FARSA: variants seen among roughly 807,000 people sequenced by gnomAD.
The protein encoded by FARSA is phenylalanyl-tRNA synthetase subunit alpha.
FARSA carries 37 observed loss-of-function variants against 63.2 expected under a neutral mutation model. The ratio of observed to expected loss-of-function variants is 0.59; its 90% confidence interval spans 0.45 to 0.77. The LOEUF (loss-of-function observed/expected upper bound fraction) is 0.77, where lower values mean the gene tolerates loss of function less well. Among genes scored for constraint, FARSA ranks in the 30% least tolerant of loss-of-function variants. The pLI, the probability that FARSA is intolerant of heterozygous loss-of-function variation, is 0.00. For synonymous variants in FARSA, 312 were observed against 285.1 expected, an observed-to-expected ratio of 1.09 and a Z score of -0.95; for missense variants, 618 against 696.6, an observed-to-expected ratio of 0.89 and a Z score of 1.27.
chr19:12,924,545 G>A lies in FARSA; in HGVS notation c.1196-19C>T, dbSNP rs554096092. ...GTGATACCTGCAGGAAGTGGGGGGC[G>A]GGCAGGAGAGCAGGGGTTTGGAGGA... is the stretch of plus-strand genomic sequence containing the variant. On this transcript the variant is annotated intron_variant, in intron 10 of 12. Coordinates refer to ENST00000314606, the MANE Select transcript of FARSA (RefSeq NM_004461.3). This position sits in a 1 kb window ranked among gnomAD's most constrained non-coding sequence, Gnocchi z 6.4. The A allele has an allele frequency of 9.2e-4, 1,489 of 1,613,246 alleles. 25 individuals carry two copies. The South Asian group carries it at 0.015, about 17-fold the overall frequency.
At chr19:12,930,102 C>T (rs1298793695) in intron 4 of FARSA, 121 bp downstream of exon 4, 9 of 765,186 alleles carry the variant, frequency 1.2e-5, no homozygotes, top group East Asian at 2.5e-5. Context: ...TGGCATTAAG[C>T]GAGCTGGGAG....
chr19:12,926,919 T>C (rs1172992786), intron 7 of FARSA, among the ~76,000 whole-genome samples: 1 of 152,146 alleles, frequency 6.6e-6, no homozygotes, highest in Admixed American at 6.6e-5. Context: ...GTGGCTAGTA[T>C]GTGATGAGTG....
rs900110818 is a variant in FARSA, at chr19:12,925,366, C to CT, written c.842-193dup. On this transcript the variant is annotated intron_variant, in intron 7 of 12. Transcript: ENST00000314606. ...CATTTGTGTGTGGCTTTTTTGGGTT[C>CT]TTTTTTTTTGAGACAGAGTCTTGTT... 1.7e-4 allele frequency among the ~76,000 whole-genome samples: 26 copies of CT among 150,730 alleles called. No individual in the cohort carries two copies. In the South Asian group the frequency reaches 2.9e-3, roughly 17 times the overall value.
intron 7 of FARSA, among the ~76,000 whole-genome samples, chr19:12,927,303 G>C (rs529084199): frequency 3.9e-4 from 59 of 152,304 alleles, no homozygotes; most frequent in African/African-American, 1.3e-3. Flanking sequence ...AATGCCCAAA[G>C]AAGACATGGG....
At position 12,926,068 on chromosome 19, in the gene FARSA, G is replaced by A. The variant is rs188921735; in HGVS notation, c.842-894C>T. 8.2e-3 allele frequency among the ~76,000 whole-genome samples: 1,225 copies of A among 149,128 alleles called. 49 individuals are homozygous for A. Among genetic ancestry groups the A allele is most frequent in the Admixed American group, 0.069 (1,026 of 14,956 alleles). On this transcript the variant is annotated intron_variant, in intron 7 of 12. Transcript: ENST00000314606. ...ACTGCAACCTCTGCCTCCCAGGTTC[G>A]AGTGATTCTCCTGCCTCAGCCTCCT...
chr19:12,931,300 G>A (rs1319652603), intron 1 of FARSA, among the ~76,000 whole-genome samples: 2 of 151,768 alleles, frequency 1.3e-5, no homozygotes, highest in South Asian at 2.1e-4. Flanking sequence ...GTCTTGCACT[G>A]TCGCTCAGGC....
Position 12,928,402 on chromosome 19 carries a change from C to A in FARSA, c.781G>T (p.Ala261Ser). The change falls in exon 7 of 13, where the codon GCC becomes TCC. Residue 261 changes from alanine (A) to serine (S), a missense_variant. Transcript: ENST00000314606. ...GGGTGCTGCTGGGGCTGGAAGAGGG[C>A]GTCAAAGTTCCAGAAGGAGCTCTCA... is the stretch of plus-strand genomic sequence containing the variant. ...FIESSFWNFD[A>S]LFQPQQHPAR... 1 of 1,614,020 alleles carries A rather than the reference C, an allele frequency of 6.2e-7. No individual in the cohort carries two copies. Among genetic ancestry groups the A allele is most frequent in the Non-Finnish European group, 8.5e-7 (1 of 1,179,992 alleles).
At chr19:12,930,771 G>T in intron 1 of FARSA, 22 bp from the exon 2 acceptor site, 2 of 1,602,552 alleles carry the variant, frequency 1.2e-6, no homozygotes, top group Non-Finnish European at 8.5e-7. Context: ...TGTGGGGAGG[G>T]TGTCCAGGCA....
intron 1 of FARSA, among the ~76,000 whole-genome samples, chr19:12,931,899 T>C (rs968190929): frequency 6.6e-6 from 1 of 152,200 alleles, no homozygotes; most frequent in Non-Finnish European, 1.5e-5. Flanking sequence ...CTCAGGAAAG[T>C]TGCTTAACCT....
In FARSA at chr19:12,931,928, C is replaced by T. The variant is rs1044702907; in HGVS notation, c.148-1179G>A. 3.9e-5 allele frequency among the ~76,000 whole-genome samples: 6 copies of T among 152,094 alleles called. No individual in the cohort carries two copies. In the East Asian group the frequency reaches 1.2e-3, roughly 29 times the overall value. ...TTAACCTCTCAGTGACTCTTCTCAT[C>T]CATAAGAGAAAGGTGTGATGGGTTC... is the stretch of plus-strand genomic sequence containing the variant. On this transcript the variant is annotated intron_variant, in intron 1 of 12. Coordinates refer to ENST00000314606, the MANE Select transcript of FARSA (RefSeq NM_004461.3).
chr19:12,923,904 G>C (rs770621062), intron 12 of FARSA, among the ~76,000 whole-genome samples: 1 of 152,186 alleles, frequency 6.6e-6, no homozygotes, highest in Non-Finnish European at 1.5e-5. Context: ...GAGCTACCAC[G>C]CCTGGCCTGA....
Position 12,924,144 on chromosome 19 carries a change from C to T in FARSA, c.1388+7G>A. 6.2e-7 allele frequency: 1 copy of T among 1,611,780 alleles called. No individual in the cohort carries two copies. The highest frequency in any genetic ancestry group is 1.3e-5 in the African/African-American group (1 of 74,984). On this transcript the variant is annotated splice_region_variant and intron_variant, in intron 12 of 12. Transcript: ENST00000314606. The surrounding 1 kb of genome is among the most constrained non-coding windows in gnomAD (Gnocchi z 6.4). ...TGGACACCCCGAGTTTCCACTTGGG[C>T]ACTTACCGCTCCAGGGAGAGGCCCC...
At chr19:12,926,241 G>T (rs1377527812) in intron 7 of FARSA, among the ~76,000 whole-genome samples, 3 of 149,336 alleles carry the variant, frequency 2.0e-5, no homozygotes, top group Admixed American at 6.8e-5. Context: ...GTGAGCCACC[G>T]CGCCCGGCCT....
chr19:12,930,377 A>AG, intron 3 of FARSA, 36 bp from the exon 4 acceptor site: 1 of 1,613,002 alleles, frequency 6.2e-7, no homozygotes, highest in Non-Finnish European at 8.5e-7. Context: ...TATGAGGGCC[A>AG]GGGGCCCATG....
rs1025351697 is a variant in FARSA, at chr19:12,924,242, C to T, written c.1297G>A (p.Gly433Arg). 2.0e-5 allele frequency: 32 copies of T among 1,614,094 alleles called. No individual in the cohort carries two copies. Among genetic ancestry groups the T allele is most frequent in the Non-Finnish European group, 2.7e-5 (32 of 1,180,018 alleles). Residue 433 changes from glycine to arginine, a missense_variant, in exon 12 of 13, where the codon GGA (glycine) becomes AGA (arginine). Gly to Arg is a moderately radical substitution (Grantham distance 125, BLOSUM62 -2). Coordinates refer to ENST00000314606, the MANE Select transcript of FARSA (RefSeq NM_004461.3). The surrounding 1 kb of genome is among the most constrained non-coding windows in gnomAD (Gnocchi z 6.4). ...HQGLKKWVEV[G>R]NSGVFRPEML... ...TCTGGACGGAAGACCCCCGAGTTTC[C>T]GACCTCCACCCACTTCTTCAGGCCT...
At chr19:12,928,023 C>CAAAAAAAAAA (rs34586259) in intron 7 of FARSA, among the ~76,000 whole-genome samples, 1 of 73,404 alleles carries the variant, frequency 1.4e-5, no homozygotes. Context: ...GACCCTGTCT[C>CAAAAAAAAAA]AAAAAAAAAA....
In FARSA at chr19:12,933,622, C is replaced by T; in HGVS notation, c.75G>A (p.Glu25=). Residue 25 remains glutamate (E), a synonymous_variant, in exon 1 of 13, where the codon GAG becomes GAA. Coordinates refer to ENST00000314606, the MANE Select transcript of FARSA (RefSeq NM_004461.3). Reference sequence around the variant, plus strand: ...GCTCCATGCCCAGCTCAGCCGCCAACTCGGCGCTGTCCAGGCCGCCATCAG... The same window carrying T: ...GCTCCATGCCCAGCTCAGCCGCCAATTCGGCGCTGTCCAGGCCGCCATCAG... The part of the protein sequence containing the change: ...EASDGGLDSA[E]LAAELGMEHQ... 1 of 1,558,944 alleles carries T rather than the reference C, an allele frequency of 6.4e-7. No individual in the cohort carries two copies. Among genetic ancestry groups the T allele is most frequent in the Non-Finnish European group, 8.7e-7 (1 of 1,156,064 alleles).
intron 1 of FARSA, among the ~76,000 whole-genome samples, chr19:12,931,605 G>T (rs988678920): frequency 6.6e-6 from 1 of 152,046 alleles, no homozygotes; most frequent in Non-Finnish European, 1.5e-5. Context: ...TGTTGTCCAG[G>T]CTGGTCTCAA....
rs773794524 is a variant in FARSA at position 12,925,016 on chromosome 19, A to G, written c.927-13T>C. On this transcript the variant is annotated splice_polypyrimidine_tract_variant and intron_variant, in intron 8 of 12. Transcript: ENST00000314606. ...GTTATACTTGTACCTTCAGGAGGGA[A>G]GGTGGGAAGTCCATGCAATGGCCCA... The G allele has an allele frequency of 6.2e-7, 1 of 1,613,846 alleles. No homozygotes were observed. The highest frequency in any genetic ancestry group is 2.2e-5 in the East Asian group (1 of 44,872).
Sources: allele counts gnomAD v4.1 joint callset (sites outside exome capture counted in the v4.1 genomes callset), GRCh38; gene constraint gnomAD v4.1.1; non-coding constraint Gnocchi (gnomAD v3.1); transcripts MANE v1.5; gene names NCBI Gene and HGNC (gene_info 2026-07-23, HGNC 2026-07-21).